The following EIF4G3 variants were observed in gnomAD, a reference collection of about 807,000 sequenced individuals.
The protein encoded by EIF4G3 is eIF-4-gamma 3.
A neutral mutation model predicts 186.4 loss-of-function variants in EIF4G3; 34 were observed. The ratio of observed to expected loss-of-function variants is 0.18; its 90% CI spans 0.14 to 0.24. The LOEUF (loss-of-function observed/expected upper bound fraction) is 0.24. Among genes scored for constraint, EIF4G3 ranks in the 10% least tolerant of loss-of-function variants. The probability of loss-of-function intolerance (pLI) is 1.00; values close to 1 mark genes in which losing one functional copy is unlikely to be tolerated. For synonymous variants in EIF4G3, 673 were observed against 679.5 expected, an observed-to-expected ratio of 0.99 and a Z score of 0.15; for missense variants, 1,536 against 1,948.5, an observed-to-expected ratio of 0.79 and a Z score of 3.99.
In EIF4G3 at chr1:20,973,042, G is replaced by C; in HGVS notation, c.551C>G (p.Thr184Arg). 1.2e-6 allele frequency: 2 copies of C among 1,609,902 alleles called. No homozygotes were observed. The highest frequency in any genetic ancestry group is 1.7e-6 in the Non-Finnish European group (2 of 1,178,944). The stretch of plus-strand genomic sequence containing the variant: ...CTTGGCTGGAGGCGGCTGTTGCTGC[G>C]TAGGCACTATGATAGGTGCTGACTG... ...VYQSAPIIVP[T>R]QQQPPPAKRE... The change falls in exon 11 of 37, where the codon ACG becomes AGG. Residue 184 changes from threonine (T) to arginine (R), a missense_variant. By Grantham distance (71) the Thr-to-Arg change is moderately conservative. Transcript: ENST00000602326.
intron 3 of EIF4G3, among the ~76,000 whole-genome samples, chr1:21,055,845 G>GA (rs1421102735): frequency 6.6e-6 from 1 of 152,006 alleles, no homozygotes; most frequent in Non-Finnish European, 1.5e-5. Flanking sequence ...AATAATAAAG[G>GA]AAAAATACAT....
chr1:21,100,818 C>T (rs906014176), intron 2 of EIF4G3, among the ~76,000 whole-genome samples: 4 of 152,108 alleles, frequency 2.6e-5, no homozygotes, highest in African/African-American at 9.7e-5. Context: ...CACAGGAAAA[C>T]AGCTGGGCTT....
intron 20 of EIF4G3, among the ~76,000 whole-genome samples, chr1:20,875,210 C>T (rs558366596): frequency 5.6e-4 from 86 of 152,284 alleles, no homozygotes; most frequent in African/African-American, 1.9e-3. Flanking sequence ...CCTCAAACTC[C>T]TAGGCTCAAG....
intron 2 of EIF4G3, among the ~76,000 whole-genome samples, chr1:21,105,119 G>C (rs539493008): frequency 3.3e-5 from 5 of 152,134 alleles, no homozygotes; most frequent in Admixed American, 6.6e-5. Flanking sequence ...CTTATTACCT[G>C]GGTGATAAAA....
chr1:20,905,055 T>C, intron 14 of EIF4G3, 84 bp from the exon 15 acceptor site: 1 of 1,013,174 alleles, frequency 9.9e-7, no homozygotes, highest in South Asian at 1.5e-5. Flanking sequence ...TATATTCAAA[T>C]TAAGCAGGAT....
intron 12 of EIF4G3, among the ~76,000 whole-genome samples, chr1:20,953,045 C>A (rs1246132978): frequency 6.6e-6 from 1 of 152,136 alleles, no homozygotes; most frequent in Non-Finnish European, 1.5e-5. Context: ...AGAAATTAAG[C>A]TAGACAGTTA....
chr1:21,058,520 C>G lies in EIF4G3; in HGVS notation c.-195-7526G>C, dbSNP rs928194705. ...TCTCATGATCATCATCAAATATAAA[C>G]TTGCTTTTTCATTTTTTTTTTAATG... is the stretch of plus-strand genomic sequence containing the variant. On this transcript the variant is annotated intron_variant, in intron 3 of 36. Transcript: ENST00000602326. Among the ~76,000 whole-genome samples, 12 of 151,738 alleles carry G rather than the reference C, an allele frequency of 7.9e-5. No homozygotes were observed. The South Asian group carries it at 1.0e-3, about 13-fold the overall frequency.
intron 13 of EIF4G3, among the ~76,000 whole-genome samples, chr1:20,949,161 G>C (rs1432345676): frequency 6.6e-6 from 1 of 151,932 alleles, no homozygotes; most frequent in Non-Finnish European, 1.5e-5. Context: ...TTGCTTCCCC[G>C]AACTATGTTT....
At chr1:20,929,670 T>C (rs2095189142) in intron 14 of EIF4G3, 1 of 152,218 alleles carries the variant, frequency 6.6e-6, no homozygotes, top group Non-Finnish European at 1.5e-5. Context: ...GTACTTTACA[T>C]ACATCACATT....
rs1194829299 is a variant in EIF4G3, at chr1:21,007,534, AAAAC to A, written c.-66-4730_-66-4727del. ...CCTCCTTAAAAAAAAAAAAAAAAAA[AAAAC>A]ACACTCAAAAACAAAAAAACTGGAA... is the stretch of plus-strand genomic sequence containing the variant. On this transcript the variant is annotated intron_variant, in intron 4 of 36. Transcript: ENST00000602326. Among the ~76,000 whole-genome samples the A allele has an allele frequency of 4.5e-3, 653 of 144,256 alleles. 31 individuals are homozygous for A. The highest frequency in any genetic ancestry group is 6.4e-3 in the Non-Finnish European group (416 of 65,412). The allele number at this position is 144,256 out of a possible 152,430, so 94.6% of individuals were successfully genotyped here. A position where few individuals can be genotyped will look rare whatever the true frequency, so the allele number is the denominator to read the frequency against.
intron 29 of EIF4G3, among the ~76,000 whole-genome samples, chr1:20,848,236 G>C (rs1051858632): frequency 2.0e-5 from 3 of 152,160 alleles, no homozygotes; most frequent in African/African-American, 7.2e-5. Context: ...AAGGTGCTGG[G>C]ATTACAGGCA....
At chr1:21,167,897 GTTTTAATCTTGCAAA>G in intron 2 of EIF4G3, 2 of 315,168 alleles carry the variant, frequency 6.3e-6, no homozygotes, top group Non-Finnish European at 1.3e-5. Context: ...GTTACACTGA[GTTTTAATCTTGCAAA>G]TAATGCAAAA....
At chr1:21,111,652 ACATAT>A (rs1394012282) in intron 2 of EIF4G3, 2 of 165,888 alleles carry the variant, frequency 1.2e-5, no homozygotes, top group African/African-American at 4.8e-5. Flanking sequence ...ATAGATATAT[ACATAT>A]CATGACATAC....
chr1:20,846,018 C>G (rs930579678), intron 29 of EIF4G3, among the ~76,000 whole-genome samples: 1 of 152,174 alleles, frequency 6.6e-6, no homozygotes, highest in African/African-American at 2.4e-5. Context: ...TGATCCTTCA[C>G]TTCCCTTGTT....
chr1:21,173,132 A>G (rs1486439487), intron 2 of EIF4G3, among the ~76,000 whole-genome samples: 2 of 105,362 alleles, frequency 1.9e-5, no homozygotes, highest in Non-Finnish European at 4.0e-5. Context: ...AGCGAGACTC[A>G]ATCTCAAAAA....
chr1:20,835,736 A>G (rs762896253), intron 30 of EIF4G3, among the ~76,000 whole-genome samples: 1 of 152,060 alleles, frequency 6.6e-6, no homozygotes, highest in African/African-American at 2.4e-5. Context: ...CTAGGAGTGC[A>G]AGACCAGCCT....
In EIF4G3 at chr1:20,873,586, T is replaced by C. The variant is rs529973291; in HGVS notation, c.2622+5737A>G. Among the ~76,000 whole-genome samples the C allele has an allele frequency of 1.3e-3, 186 of 146,820 alleles. 1 individual carries two copies. Among genetic ancestry groups the C allele is most frequent in the African/African-American group, 4.4e-3 (176 of 40,088 alleles). ...CCAATTGCCCTCATAAATGGTTATA[T>C]TCGTCTTTAAAAACATTTAAAATGG... On this transcript the variant is annotated intron_variant, in intron 20 of 36. Coordinates refer to ENST00000602326, the MANE Select transcript of EIF4G3 (RefSeq NM_001391906.1).
intron 30 of EIF4G3, among the ~76,000 whole-genome samples, chr1:20,830,703 T>A: frequency 6.6e-6 from 1 of 152,202 alleles, no homozygotes; most frequent in East Asian, 1.9e-4. Flanking sequence ...AAATAAAATA[T>A]ACCCATATTC....
At position 20,817,434 on chromosome 1, in the gene EIF4G3, A is replaced by T; in HGVS notation, c.4473T>A (p.Ile1491=). The part of the protein sequence containing the change: ...ELYKRLEKLI[I]EDKANDEQIF... ...TCTGTTCATCATTCGCTTTGTCCTC[A>T]ATAATGAGTTTCTCGAGTCGCTTAT... Residue 1491 remains isoleucine (I), a synonymous_variant, in exon 34 of 37, where the codon ATT becomes ATA. Coordinates refer to ENST00000602326, the MANE Select transcript of EIF4G3 (RefSeq NM_001391906.1). 4 of 1,609,516 alleles carry T rather than the reference A, an allele frequency of 2.5e-6. No individual in the cohort carries two copies. The highest frequency in any genetic ancestry group is 3.4e-6 in the Non-Finnish European group (4 of 1,177,366).
Sources: gnomAD v4.1 joint callset for allele counts (sites outside exome capture counted in the v4.1 genomes callset) on GRCh38, gnomAD v4.1.1 for gene constraint, MANE v1.5 for transcripts, NCBI Gene and HGNC (gene_info 2026-07-23, HGNC 2026-07-21) for gene names.